The following SHPRH variants were observed in gnomAD, a reference collection of about 807,000 sequenced individuals.
The protein encoded by SHPRH is SNF2 histone linker PHD RING helicase.
A neutral mutation model predicts 202.5 loss-of-function variants in SHPRH; 106 were observed. That is an observed-to-expected ratio of 0.52 (90% CI 0.45 to 0.62). The LOEUF (loss-of-function observed/expected upper bound fraction) is 0.62, where lower values mean the gene tolerates loss of function less well. SHPRH is among the 20% of genes least tolerant of loss of function. The pLI, the probability that SHPRH is intolerant of heterozygous loss-of-function variation, is 0.00. For synonymous variants in SHPRH, 729 were observed against 686.0 expected (o/e 1.06, Z -0.98); for missense variants, 1,710 against 2,020.0 (o/e 0.85, Z 2.94).
At chr6:145,922,513 T>G in intron 19 of SHPRH, 150 bp downstream of exon 19, 2 of 1,243,618 alleles carry the variant, frequency 1.6e-6, no homozygotes, top group South Asian at 1.6e-5. Flanking sequence ...AGACTTTATT[T>G]TTCTTTAAAT....
Position 145,894,198 on chromosome 6 carries a change from A to T in SHPRH, c.4647T>A (p.Thr1549=), listed in dbSNP as rs772878536. The T allele has an allele frequency of 1.9e-6, 3 of 1,605,286 alleles. No homozygotes were observed. The African/African-American group carries it at 4.0e-5, about 22-fold the overall frequency. Residue 1549 remains threonine, a synonymous_variant, in exon 27 of 30, where the codon ACT becomes ACA. Coordinates refer to ENST00000275233, the MANE Select transcript of SHPRH (RefSeq NM_001042683.3). ...DVLDIISKAL[T]DNNMEFAQIS... ...TTTGTGCAAATTCCATGTTGTTGTCAGTAAGAGCTTTTGAAATAATATCTA... is the reference window on the plus strand; with the variant it reads ...TTTGTGCAAATTCCATGTTGTTGTCTGTAAGAGCTTTTGAAATAATATCTA...
intron 25 of SHPRH, chr6:145,908,151 ATCTAG>A (rs1244715135): frequency 7.2e-5 from 11 of 151,880 alleles, no homozygotes; most frequent in Admixed American, 5.9e-4. Flanking sequence ...TATTTTCTTT[ATCTAG>A]TCTATCATTG....
Position 145,935,117 on chromosome 6 carries a change from G to T in SHPRH, c.2780C>A (p.Ser927Tyr). 1 of 1,613,450 alleles carries T rather than the reference G, an allele frequency of 6.2e-7. No homozygotes were observed. Among genetic ancestry groups the T allele is most frequent in the Non-Finnish European group, 8.5e-7 (1 of 1,179,932 alleles). ...QTEEIHWLHF[S>Y]PVERHFYHRQ... is the part of the protein sequence containing the mutation. ...GTGATAGAAATGCCTTTCCACTGGA[G>T]AAAAGTGGAGCCAGTGTATTTCTTC... The change falls in exon 13 of 30, where the codon TCT becomes TAT. Residue 927 changes from serine to tyrosine, a missense_variant. By Grantham distance (144) the Ser-to-Tyr change is moderately radical (BLOSUM62 -2). This residue lies in a region of SHPRH where 277 missense variants were observed against 363.0 expected (regional missense o/e 0.76). Transcript: ENST00000275233.
At chr6:145,869,426 T>C (rs1779953386) in intron 2 of SHPRH, among the ~76,000 whole-genome samples, 1 of 152,232 alleles carries the variant, frequency 6.6e-6, no homozygotes, top group African/African-American at 2.4e-5. Flanking sequence ...CCCAAGGCGA[T>C]CTAGATTTTC....
intron 1 of SHPRH, among the ~76,000 whole-genome samples, chr6:145,960,203 C>A (rs1788943533): frequency 9.6e-6 from 1 of 103,830 alleles, no homozygotes; most frequent in South Asian, 2.9e-4. Context: ...CAGGAATGTT[C>A]TTTATGGCAA....
chr6:145,933,206 C>T, intron 13 of SHPRH, 28 bp from the exon 14 acceptor site: 1 of 1,613,448 alleles, frequency 6.2e-7, no homozygotes, highest in Non-Finnish European at 8.5e-7. Context: ...CTGTTCAAAA[C>T]TAGAAAGAAA....
At chr6:145,951,562 G>A (rs2128799193) in intron 3 of SHPRH, among the ~76,000 whole-genome samples, 1 of 151,974 alleles carries the variant, frequency 6.6e-6, no homozygotes, top group East Asian at 1.9e-4. Flanking sequence ...TTTTTAAAAG[G>A]CCATAAGTTT....
intron 3 of SHPRH, chr6:145,951,656 G>C: frequency 3.2e-6 from 1 of 317,128 alleles, no homozygotes; most frequent in Non-Finnish European, 6.5e-6. Flanking sequence ...CTTGCAAAAC[G>C]ATTTACTATT....
chr6:145,953,820 T>G (rs116093004), intron 2 of SHPRH, among the ~76,000 whole-genome samples: 62 of 152,130 alleles, frequency 4.1e-4, no homozygotes, highest in African/African-American at 1.5e-3. Context: ...ATTTAAATGA[T>G]TCACATAAAG....
chr6:145,874,174 G>C (rs1014483879), intron 2 of SHPRH, among the ~76,000 whole-genome samples: 1 of 150,744 alleles, frequency 6.6e-6, no homozygotes, highest in African/African-American at 2.5e-5. Flanking sequence ...CTCCAGTCTG[G>C]GCAACAAGAG....
chr6:145,932,972 C>CA, intron 14 of SHPRH, 85 bp downstream of exon 14: 1 of 1,468,124 alleles, frequency 6.8e-7, no homozygotes, highest in South Asian at 1.3e-5. Context: ...AATCCCCCCC[C>CA]CAAAAATCAA....
intron 2 of SHPRH, among the ~76,000 whole-genome samples, chr6:145,870,452 TGA>T (rs1780008926): frequency 6.6e-6 from 1 of 151,786 alleles, no homozygotes; most frequent in Admixed American, 6.6e-5. Flanking sequence ...TTAGTAGAGA[TGA>T]GGTTTCACCA....
chr6:145,946,618 A>G (rs897824525), intron 6 of SHPRH, among the ~76,000 whole-genome samples: 3 of 152,062 alleles, frequency 2.0e-5, no homozygotes, highest in Non-Finnish European at 4.4e-5. Flanking sequence ...TATAAAATTA[A>G]CCCATTGAAT....
chr6:145,940,877 T>C, intron 10 of SHPRH, 76 bp from the exon 11 acceptor site: 3 of 1,430,546 alleles, frequency 2.1e-6, no homozygotes, highest in Non-Finnish European at 1.9e-6. Flanking sequence ...GGCATACTCA[T>C]GAAAAACAGC....
chr6:145,896,611 T>G (rs1444729732), intron 25 of SHPRH, among the ~76,000 whole-genome samples: 2 of 152,048 alleles, frequency 1.3e-5, no homozygotes, highest in African/African-American at 4.8e-5. Flanking sequence ...CTGAACCATT[T>G]TGTCCCAATC....
chr6:145,873,393 A>C (rs1780143858), intron 2 of SHPRH, among the ~76,000 whole-genome samples: 1 of 152,158 alleles, frequency 6.6e-6, no homozygotes, highest in Admixed American at 6.5e-5. Context: ...GCCATTTACC[A>C]AGATTATAGA....
At chr6:145,898,682 T>C (rs1782226436) in intron 25 of SHPRH, among the ~76,000 whole-genome samples, 1 of 152,106 alleles carries the variant, frequency 6.6e-6, no homozygotes, top group Admixed American at 6.6e-5. Context: ...TCCTCCTCCT[T>C]TTTGTTGCTC....
intron 28 of SHPRH, among the ~76,000 whole-genome samples, chr6:145,889,247 G>A (rs1781378918): frequency 6.6e-6 from 1 of 152,070 alleles, no homozygotes; most frequent in Admixed American, 6.6e-5. Context: ...AGAACCCTCA[G>A]ACCACTGGCA....
chr6:145,922,575 T>C, intron 19 of SHPRH, 88 bp downstream of exon 19: 3 of 1,455,666 alleles, frequency 2.1e-6, no homozygotes, highest in Non-Finnish European at 2.8e-6. Flanking sequence ...GAAAAAACCT[T>C]TACTATATGA....
Sources: gnomAD v4.1 joint callset for allele counts (sites outside exome capture counted in the v4.1 genomes callset) on GRCh38, gnomAD v4.1.1 for gene constraint, gnomAD v4.1.1 regional missense constraint, MANE v1.5 for transcripts, NCBI Gene and HGNC (gene_info 2026-07-23, HGNC 2026-07-21) for gene names.